The following PLEKHM3 variants were observed in gnomAD, a reference collection of about 807,000 sequenced individuals.
The protein encoded by PLEKHM3 is pleckstrin homology domain-containing family M member 3.
PLEKHM3 carries 45 observed loss-of-function variants against 81.8 expected under a neutral mutation model. That is an observed-to-expected ratio of 0.55 (90% confidence interval 0.43 to 0.71). PLEKHM3 has a LOEUF of 0.71. Among genes scored for constraint, PLEKHM3 ranks in the 30% least tolerant of loss-of-function variants. The probability of loss-of-function intolerance (pLI) is 0.00; values close to 1 mark genes in which losing one functional copy is unlikely to be tolerated. For missense variants in PLEKHM3, 788 were observed against 924.3 expected (o/e 0.85, Z 1.91); for synonymous variants, 352 against 356.4 (o/e 0.99, Z 0.14).
At chr2:207,896,179 C>CT (rs1480734594) in intron 6 of PLEKHM3, among the ~76,000 whole-genome samples, 8 of 152,236 alleles carry the variant, frequency 5.3e-5, no homozygotes, top group African/African-American at 1.9e-4. Context: ...CTGGAAGGGG[C>CT]TGTAAAGATT....
chr2:207,891,801 C>T (rs377586059), intron 6 of PLEKHM3, among the ~76,000 whole-genome samples: 2 of 151,258 alleles, frequency 1.3e-5, no homozygotes, highest in Non-Finnish European at 2.9e-5. Context: ...CTTTTTCTTG[C>T]CCAGGCACTG....
chr2:207,868,819 T>C (rs1380566686), intron 6 of PLEKHM3: 1 of 152,218 alleles, frequency 6.6e-6, no homozygotes, highest in African/African-American at 2.4e-5. Flanking sequence ...GTTGTTCATC[T>C]GTTTGGATGG....
Position 208,011,785 on chromosome 2 carries a change from CTTTTTTTTTTTTT to C in PLEKHM3, c.-318-9841_-318-9829del, listed in dbSNP as rs1177948830. Among the ~76,000 whole-genome samples, 31 of 79,992 alleles carry C rather than the reference CTTTTTTTTTTTTT, an allele frequency of 3.9e-4. 1 individual carries two copies. The highest frequency in any genetic ancestry group is 3.0e-4 in the Admixed American group (2 of 6,578). 52.5% of individuals were successfully genotyped at this position (79,992 alleles called of 152,430 possible). The stretch of plus-strand genomic sequence containing the variant: ...AAAAATTTTTAAGTGCTCTGATAAA[CTTTTTTTTTTTTT>C]TTTTTTTTTTTTTTTTGAGACGGAG... On this transcript the variant is annotated intron_variant, in intron 1 of 7. Coordinates refer to ENST00000427836, the MANE Select transcript of PLEKHM3 (RefSeq NM_001080475.3).
rs2105888595 is a variant in PLEKHM3, at chr2:207,901,444, A to G, written c.1950+7070T>C. On this transcript the variant is annotated intron_variant, in intron 6 of 7. Transcript: ENST00000427836. ...CTAGTAGTTATGCTCAGCAGGTAGT[A>G]AGGACATCAAGACTGAAAGTGAGAA... 1.5e-5 allele frequency: 10 copies of G among 665,450 alleles called. 1 individual carries two copies. The South Asian group carries it at 1.5e-4, about 10-fold the overall frequency. 41.2% of individuals were successfully genotyped at this position (665,450 alleles called of 1,614,324 possible).
At chr2:207,909,659 C>T (rs987723659) in intron 5 of PLEKHM3, among the ~76,000 whole-genome samples, 1 of 152,124 alleles carries the variant, frequency 6.6e-6, no homozygotes, top group African/African-American at 2.4e-5. Flanking sequence ...GGATTCCAAC[C>T]CTGGCTGTCT....
intron 7 of PLEKHM3, among the ~76,000 whole-genome samples, chr2:207,844,495 A>C (rs1436407240): frequency 1.4e-5 from 2 of 145,708 alleles, no homozygotes; most frequent in African/African-American, 2.5e-5. Context: ...TTTAGTGGAG[A>C]CGGGGTTTCA....
intron 3 of PLEKHM3, among the ~76,000 whole-genome samples, chr2:207,968,383 G>A (rs188368401): frequency 3.3e-5 from 5 of 152,090 alleles, no homozygotes; most frequent in Admixed American, 3.3e-4. Context: ...TTAAAGTGGG[G>A]TTGGGGGTGG....
intron 2 of PLEKHM3, among the ~76,000 whole-genome samples, chr2:207,983,439 G>A (rs757440586): frequency 3.2e-4 from 48 of 152,114 alleles, no homozygotes; most frequent in Non-Finnish European, 6.0e-4. Context: ...TTTTGCAAAT[G>A]AGTAAATTAT....
chr2:207,885,532 A>G (rs16840100), intron 6 of PLEKHM3, among the ~76,000 whole-genome samples: 7,943 of 152,278 alleles, frequency 0.052, 690 homozygotes, highest in African/African-American at 0.18. Flanking sequence ...ATGGCCTTTT[A>G]AAATTTTCTT....
At chr2:207,959,634 G>C (rs923289678) in intron 3 of PLEKHM3, among the ~76,000 whole-genome samples, 3 of 151,994 alleles carry the variant, frequency 2.0e-5, no homozygotes, top group Non-Finnish European at 1.5e-5. Flanking sequence ...TCATCTCTTT[G>C]AACTTTACAG....
chr2:207,885,149 G>A (rs954761226), intron 6 of PLEKHM3, among the ~76,000 whole-genome samples: 8 of 152,188 alleles, frequency 5.3e-5, no homozygotes, highest in Admixed American at 1.3e-4. Context: ...ATCCGGTGGC[G>A]TGGGAATGTT....
intron 6 of PLEKHM3, among the ~76,000 whole-genome samples, chr2:207,884,123 A>AC (rs1367718396): frequency 1.3e-5 from 2 of 151,378 alleles, no homozygotes; most frequent in Non-Finnish European, 2.9e-5. Flanking sequence ...ACATAGCGAG[A>AC]CCCCCGTCCC....
At chr2:207,852,970 CT>C in intron 7 of PLEKHM3, 1 of 370,760 alleles carries the variant, frequency 2.7e-6, no homozygotes, top group Non-Finnish European at 5.2e-6. Context: ...TGGAGCCCTT[CT>C]GGGAGCTCCA....
chr2:207,847,881 C>T (rs189293457), intron 7 of PLEKHM3, among the ~76,000 whole-genome samples: 33 of 152,280 alleles, frequency 2.2e-4, no homozygotes, highest in Middle Eastern at 3.4e-3. Context: ...GGAAGCTACT[C>T]CCTCCCTGAA....
intron 6 of PLEKHM3, among the ~76,000 whole-genome samples, chr2:207,867,193 G>A (rs1158042829): frequency 6.6e-6 from 1 of 152,190 alleles, no homozygotes; most frequent in African/African-American, 2.4e-5. Flanking sequence ...TCGTTCTGCT[G>A]TGTGATTCAA....
intron 6 of PLEKHM3, chr2:207,901,350 C>T (rs1688420623): frequency 1.4e-6 from 1 of 702,978 alleles, no homozygotes; most frequent in Admixed American, 2.0e-5. Context: ...ACAATCTGCA[C>T]CAGCACCTTG....
intron 6 of PLEKHM3, among the ~76,000 whole-genome samples, chr2:207,862,809 T>TA (rs1462199361): frequency 1.3e-5 from 2 of 152,134 alleles, no homozygotes; most frequent in East Asian, 3.8e-4. Context: ...CTATACATAA[T>TA]ACCAGAGATA....
At chr2:207,912,096 T>TA (rs1231056710) in intron 5 of PLEKHM3, among the ~76,000 whole-genome samples, 1 of 152,206 alleles carries the variant, frequency 6.6e-6, no homozygotes, top group Non-Finnish European at 1.5e-5. Context: ...GTGCTGGAGA[T>TA]AGATACTTCA....
At chr2:207,835,306 A>T (rs538417961) in intron 7 of PLEKHM3, among the ~76,000 whole-genome samples, 1 of 152,272 alleles carries the variant, frequency 6.6e-6, no homozygotes, top group South Asian at 2.1e-4. Flanking sequence ...CTTACTACAG[A>T]GAGTAGACCT....
Sources: allele counts gnomAD v4.1 joint callset (sites outside exome capture counted in the v4.1 genomes callset), GRCh38; gene constraint gnomAD v4.1.1; transcripts MANE v1.5; gene names NCBI Gene and HGNC (gene_info 2026-07-23, HGNC 2026-07-21).